Variants in HHLA2 observed in about 807,000 individuals in gnomAD.
The protein encoded by HHLA2 is HERV-H LTR-associating protein 2.
A neutral mutation model predicts 45.9 loss-of-function variants in HHLA2; 48 were observed. The observed-to-expected ratio is 1.05, with a 90% confidence interval of 0.83 to 1.33. HHLA2 has a LOEUF of 1.33. Among genes scored for constraint, HHLA2 ranks in the 40% most tolerant of loss-of-function variants. HHLA2 has a pLI of 0.00. For missense variants in HHLA2, 462 were observed against 494.3 expected, an observed-to-expected ratio of 0.93 and a Z score of 0.62; for synonymous variants, 161 against 173.9, an observed-to-expected ratio of 0.93 and a Z score of 0.59.
chr3:108,336,163 A>C (rs1380540522), intron 3 of HHLA2, among the ~76,000 whole-genome samples: 1 of 152,144 alleles, frequency 6.6e-6, no homozygotes, highest in Non-Finnish European at 1.5e-5. Flanking sequence ...ACTAATTAAA[A>C]TGTAATTCAC....
chr3:108,357,731 T>C lies in HHLA2; in HGVS notation c.686-113T>C, dbSNP rs1025429474. The C allele has an allele frequency of 5.8e-6, 5 of 859,324 alleles. No individual in the cohort carries two copies. In the Admixed American group the frequency reaches 1.4e-4, roughly 23 times the overall value. 53.2% of individuals were successfully genotyped at this position (859,324 alleles called of 1,614,324 possible). On this transcript the variant is annotated intron_variant, in intron 6 of 10. Transcript: ENST00000619531. The stretch of plus-strand genomic sequence containing the variant: ...AATATAATTACTTTCCAAAAAGTTA[T>C]TTCCAAATATATCAGTATTAGTGCC...
At chr3:108,374,382 G>T (rs2107517899) in intron 8 of HHLA2, among the ~76,000 whole-genome samples, 1 of 151,510 alleles carries the variant, frequency 6.6e-6, no homozygotes, top group African/African-American at 2.4e-5. Context: ...AACCCTAGAA[G>T]AAAACCTAGG....
intron 1 of HHLA2, among the ~76,000 whole-genome samples, chr3:108,305,104 AT>A (rs993520501): frequency 6.6e-6 from 1 of 152,064 alleles, no homozygotes; most frequent in Non-Finnish European, 1.5e-5. Context: ...TACATTATCT[AT>A]TTTTTTCTGC....
At chr3:108,350,768 T>A (rs2081761589) in intron 3 of HHLA2, among the ~76,000 whole-genome samples, 1 of 152,204 alleles carries the variant, frequency 6.6e-6, no homozygotes, top group African/African-American at 2.4e-5. Flanking sequence ...CACTGCAACC[T>A]CCACCTCCCT....
At chr3:108,350,868 A>G (rs2081763403) in intron 3 of HHLA2, among the ~76,000 whole-genome samples, 1 of 152,104 alleles carries the variant, frequency 6.6e-6, no homozygotes, top group Non-Finnish European at 1.5e-5. Context: ...TATTTTTAGT[A>G]GAGACAAGGT....
At chr3:108,329,912 TGGGAGCAGCTTAGC>T (rs1466303102) in intron 3 of HHLA2, among the ~76,000 whole-genome samples, 1 of 152,210 alleles carries the variant, frequency 6.6e-6, no homozygotes, top group African/African-American at 2.4e-5. Context: ...GACAGGAATC[TGGGAGCAGCTTAGC>T]TGGGTCATTC....
intron 8 of HHLA2, among the ~76,000 whole-genome samples, chr3:108,368,210 A>G (rs146441224): frequency 0.023 from 3,463 of 152,186 alleles, 112 homozygotes; most frequent in African/African-American, 0.079. Context: ...TGAAGGAAGC[A>G]CTAAATACAG....
At chr3:108,363,704 G>A (rs1384722989) in intron 8 of HHLA2, among the ~76,000 whole-genome samples, 1 of 152,140 alleles carries the variant, frequency 6.6e-6, no homozygotes, top group Non-Finnish European at 1.5e-5. Context: ...GATTGGATTA[G>A]GTTCAAATTA....
chr3:108,350,055 C>T (rs1319653052), intron 3 of HHLA2, among the ~76,000 whole-genome samples: 1 of 152,002 alleles, frequency 6.6e-6, no homozygotes, highest in Non-Finnish European at 1.5e-5. Flanking sequence ...GGTATTATTA[C>T]ATGTTTACAT....
intron 1 of HHLA2, among the ~76,000 whole-genome samples, chr3:108,305,938 T>C (rs1230064334): frequency 6.6e-6 from 1 of 152,116 alleles, no homozygotes; most frequent in East Asian, 1.9e-4. Flanking sequence ...CAGCCCCAGG[T>C]GCTGCTGTCT....
intron 2 of HHLA2, among the ~76,000 whole-genome samples, chr3:108,311,588 T>G (rs1402237196): frequency 6.6e-6 from 1 of 152,114 alleles, no homozygotes; most frequent in Non-Finnish European, 1.5e-5. Flanking sequence ...CTTATCCCTT[T>G]TTCTAGATTT....
chr3:108,298,105 CT>C (rs2080793099), intron 1 of HHLA2, among the ~76,000 whole-genome samples: 1 of 152,204 alleles, frequency 6.6e-6, no homozygotes, highest in African/African-American at 2.4e-5. Flanking sequence ...TTCCAAGTAT[CT>C]GCATAGCAGC....
chr3:108,316,729 T>C (rs2081109470), intron 2 of HHLA2, among the ~76,000 whole-genome samples: 1 of 152,234 alleles, frequency 6.6e-6, no homozygotes, highest in Admixed American at 6.5e-5. Context: ...TCCAGAAATA[T>C]TGGCTTTTAT....
At chr3:108,365,064 C>G (rs967444532) in intron 8 of HHLA2, among the ~76,000 whole-genome samples, 1 of 152,138 alleles carries the variant, frequency 6.6e-6, no homozygotes, top group African/African-American at 2.4e-5. Flanking sequence ...GTCATGAAGT[C>G]CTTGTCCATG....
chr3:108,342,350 G>A (rs548302379), intron 3 of HHLA2, among the ~76,000 whole-genome samples: 4 of 138,710 alleles, frequency 2.9e-5, no homozygotes, highest in South Asian at 2.3e-4. Flanking sequence ...TGCAACCTCC[G>A]ACTTCCAGGT....
At chr3:108,309,979 A>AT (rs1390677728) in intron 1 of HHLA2, among the ~76,000 whole-genome samples, 6 of 152,078 alleles carry the variant, frequency 3.9e-5, no homozygotes, top group Non-Finnish European at 7.4e-5. Flanking sequence ...TATTACATGG[A>AT]TTTTTTATTC....
chr3:108,308,543 C>T (rs1214749696), intron 1 of HHLA2, among the ~76,000 whole-genome samples: 2 of 152,162 alleles, frequency 1.3e-5, no homozygotes, highest in Admixed American at 1.3e-4. Context: ...AGTGGGATTG[C>T]TGGATCATAC....
intron 2 of HHLA2, among the ~76,000 whole-genome samples, chr3:108,312,933 G>T (rs2081044534): frequency 6.7e-6 from 1 of 148,552 alleles, no homozygotes; most frequent in Non-Finnish European, 1.5e-5. Context: ...TAGTGATGAT[G>T]AAACTAAAAA....
chr3:108,317,126 C>T (rs1338256950), intron 2 of HHLA2, among the ~76,000 whole-genome samples: 2 of 152,292 alleles, frequency 1.3e-5, no homozygotes, highest in African/African-American at 4.8e-5. Context: ...TGGTAGGAGG[C>T]AGGGTCTACC....
Sources: gnomAD v4.1 joint callset for allele counts (sites outside exome capture counted in the v4.1 genomes callset) on GRCh38, gnomAD v4.1.1 for gene constraint, MANE v1.5 for transcripts, NCBI Gene and HGNC (gene_info 2026-07-23, HGNC 2026-07-21) for gene names.